Variants in HMSD observed in about 807,000 individuals in gnomAD.
HMSD encodes the protein histocompatibility minor serpin domain containing.
HMSD carries 13 observed loss-of-function variants against 10.0 expected under a neutral mutation model. The ratio of observed to expected loss-of-function variants is 1.31; its 90% CI spans 0.85 to 2.08. The LOEUF is 2.08. HMSD is among the 30% of genes most tolerant of loss of function. HMSD has a pLI of 0.00. For synonymous variants in HMSD, 51 were observed against 54.2 expected (o/e 0.94, Z 0.26); for missense variants, 169 against 166.3 (o/e 1.02, Z -0.09).
chr18:63,959,998 GA>G lies in HMSD; in HGVS notation c.223-156del, dbSNP rs768256115. On this transcript the variant is annotated intron_variant, in intron 3 of 3. Transcript: ENST00000408945. ...TTATAAGCTAAGATTAGGAATAGCT[GA>G]AAAGAATTTGGACTTTAGGTTAATT... 3.9e-5 allele frequency among the ~76,000 whole-genome samples: 6 copies of G among 152,288 alleles called. No homozygotes were observed. The East Asian group carries it at 5.8e-4, about 15-fold the overall frequency.
downstream of HMSD, among the ~76,000 whole-genome samples, chr18:63,965,774 A>C (rs1162894891): frequency 6.6e-6 from 1 of 152,194 alleles, no homozygotes; most frequent in African/African-American, 2.4e-5. Flanking sequence ...ATAAAGAAAG[A>C]AGGCTTATTT....
downstream of HMSD, among the ~76,000 whole-genome samples, chr18:63,964,454 C>T (rs1313693996): frequency 2.0e-5 from 3 of 152,162 alleles, no homozygotes; most frequent in Non-Finnish European, 4.4e-5. Flanking sequence ...CCAGGAGAAT[C>T]GCTTGAACCC....
chr18:63,949,901 C>T (rs536088086), intron 1 of HMSD, among the ~76,000 whole-genome samples: 48 of 150,818 alleles, frequency 3.2e-4, no homozygotes, highest in Middle Eastern at 6.8e-3. Flanking sequence ...CCAGGAGAGG[C>T]GTTGATAGTA....
At chr18:63,956,050 A>C (rs1236778627) in intron 3 of HMSD, among the ~76,000 whole-genome samples, 2 of 152,196 alleles carry the variant, frequency 1.3e-5, no homozygotes, top group Non-Finnish European at 2.9e-5. Flanking sequence ...TGGGCCCTGT[A>C]GCAGACCAGC....
downstream of HMSD, among the ~76,000 whole-genome samples, chr18:63,963,085 CTTTCTTTCT>C (rs1320141604): frequency 1.0e-5 from 1 of 98,934 alleles, no homozygotes; most frequent in Non-Finnish European, 2.0e-5. Flanking sequence ...TTCTTTCTTT[CTTTCTTTCT>C]TTCTTTCTTT....
downstream of HMSD, among the ~76,000 whole-genome samples, chr18:63,963,203 GCTTCCTTCCTTC>G (rs200514435): frequency 1.0e-5 from 1 of 99,366 alleles, no homozygotes; most frequent in Admixed American, 1.2e-4. Context: ...TTCCTTCCTT[GCTTCCTTCCTTC>G]CTTCCTTCCT....
chr18:63,963,191 G>GCTTCCTTCCTTGCTTCCTTCCTTC (rs1377816163), downstream of HMSD, among the ~76,000 whole-genome samples: 1 of 121,914 alleles, frequency 8.2e-6, no homozygotes, highest in Non-Finnish European at 1.6e-5. Flanking sequence ...TTCCTTCATT[G>GCTTCCTTCCTTGCTTCCTTCCTTC]CTTCCTTCCT....
chr18:63,959,660 G>T (rs1001218803), intron 3 of HMSD, among the ~76,000 whole-genome samples: 6 of 152,156 alleles, frequency 3.9e-5, no homozygotes, highest in Admixed American at 3.3e-4. Flanking sequence ...CTAGTTACTT[G>T]ATGTTGTTTT....
intron 3 of HMSD, among the ~76,000 whole-genome samples, chr18:63,958,731 A>G (rs2050371641): frequency 6.6e-6 from 1 of 152,132 alleles, no homozygotes; most frequent in Admixed American, 6.6e-5. Flanking sequence ...AGCTATTAAT[A>G]TATTTCAAGT....
At chr18:63,965,331 G>A (rs2050405251), downstream of HMSD, among the ~76,000 whole-genome samples, 1 of 152,194 alleles carries the variant, frequency 6.6e-6, no homozygotes, top group African/African-American at 2.4e-5. Flanking sequence ...GAGGCTATCA[G>A]GGATCTCCTA....
At chr18:63,963,992 A>G (rs552690375), downstream of HMSD, among the ~76,000 whole-genome samples, 36 of 152,322 alleles carry the variant, frequency 2.4e-4, 1 homozygote, top group African/African-American at 8.2e-4. Flanking sequence ...GCATTTGGTC[A>G]AGATGCAACC....
intron 1 of HMSD, among the ~76,000 whole-genome samples, chr18:63,952,016 A>G (rs993030064): frequency 2.0e-5 from 3 of 151,610 alleles, no homozygotes; most frequent in Non-Finnish European, 2.9e-5. Flanking sequence ...GGAAATCATC[A>G]TTCTCAGTAA....
chr18:63,956,955 A>T (rs888104115), intron 3 of HMSD, among the ~76,000 whole-genome samples: 1 of 152,178 alleles, frequency 6.6e-6, no homozygotes, highest in African/African-American at 2.4e-5. Flanking sequence ...ATTAATCATA[A>T]GCAAACTAAT....
In HMSD at chr18:63,954,520, A is replaced by C; in HGVS notation, c.185A>C (p.Asn62Thr). The C allele has an allele frequency of 6.2e-7, 1 of 1,613,074 alleles. No homozygotes were observed. The highest frequency in any genetic ancestry group is 8.5e-7 in the Non-Finnish European group (1 of 1,179,260). The change falls in exon 3 of 4, where the codon AAC becomes ACC. Residue 62 changes from asparagine (N) to threonine (T), a missense_variant. By Grantham distance (65) the Asn-to-Thr change is moderately conservative. Transcript: ENST00000408945. ...TDTEYVLRTA[N>T]GLFGEKSYDF... ...ACTGAATATGTGCTTAGAACTGCCA[A>C]CGGGCTCTTTGGAGAAAAGTCTTAT...
intron 3 of HMSD, among the ~76,000 whole-genome samples, chr18:63,956,835 T>C (rs2050361087): frequency 1.3e-5 from 2 of 152,112 alleles, no homozygotes; most frequent in South Asian, 2.1e-4. Flanking sequence ...TGCCCATCAA[T>C]AGTAGACTGG....
At position 63,960,578 on chromosome 18, in the gene HMSD, C is replaced by A; in HGVS notation, c.*223C>A. 1.9e-6 allele frequency: 1 copy of A among 536,142 alleles called. No individual in the cohort carries two copies. The highest frequency in any genetic ancestry group is 2.9e-6 in the Non-Finnish European group (1 of 344,446). 33.2% of individuals were successfully genotyped at this position (536,142 alleles called of 1,614,324 possible). A position where few individuals can be genotyped will look rare whatever the true frequency, so the allele number is the denominator to read the frequency against. ...AAAATTTGAATTTAAAAATTTCTAG[C>A]TGTCTCCCTCACTGGTATTGCCATA... is the stretch of plus-strand genomic sequence containing the variant. On this transcript the variant is annotated 3_prime_UTR_variant, in exon 4 of 4. Coordinates refer to ENST00000408945, the MANE Select transcript of HMSD (RefSeq NM_001123366.2).
downstream of HMSD, among the ~76,000 whole-genome samples, chr18:63,965,508 C>A (rs574942533): frequency 6.6e-6 from 1 of 152,334 alleles, no homozygotes; most frequent in East Asian, 1.9e-4. Context: ...GGACTAATGG[C>A]AGTTTCCAGG....
At chr18:63,954,592 A>G (rs1250357997) in intron 3 of HMSD, 35 bp downstream of exon 3, 32 of 1,578,882 alleles carry the variant, frequency 2.0e-5, no homozygotes, top group Non-Finnish European at 2.7e-5. Flanking sequence ...AAATAAAGAT[A>G]GCAATGTGGT....
chr18:63,957,728 T>C (rs2050366492), intron 3 of HMSD, among the ~76,000 whole-genome samples: 1 of 152,188 alleles, frequency 6.6e-6, no homozygotes. Context: ...CAACCAAATA[T>C]CAATTCGTGG....
Sources: gnomAD v4.1 joint callset for allele counts (sites outside exome capture counted in the v4.1 genomes callset) on GRCh38, gnomAD v4.1.1 for gene constraint, MANE v1.5 for transcripts, NCBI Gene and HGNC (gene_info 2026-07-23, HGNC 2026-07-21) for gene names.